Variants in OXR1 observed in about 807,000 individuals in gnomAD.
OXR1 encodes the protein oxidation resistance protein 1.
Under a neutral mutation model 104.6 loss-of-function variants are expected in OXR1, and 41 were observed. That is an observed-to-expected ratio of 0.39 (90% CI 0.31 to 0.51). OXR1 has a LOEUF of 0.51. Among genes scored for constraint, OXR1 ranks in the 20% least tolerant of loss-of-function variants. The pLI is 0.77. For missense variants in OXR1, 955 were observed against 1,031.9 expected (o/e 0.93, Z 1.02); for synonymous variants, 348 against 348.4 (o/e 1.00, Z 0.01).
At chr8:106,615,796 C>G (rs1821170904) in intron 3 of OXR1, among the ~76,000 whole-genome samples, 1 of 152,142 alleles carries the variant, frequency 6.6e-6, no homozygotes, top group Admixed American at 6.5e-5. Flanking sequence ...CATTAATTTT[C>G]TATACATAGC....
At chr8:106,734,897 G>A (rs190279964) in intron 11 of OXR1, among the ~76,000 whole-genome samples, 1 of 152,130 alleles carries the variant, frequency 6.6e-6, no homozygotes, top group Non-Finnish European at 1.5e-5. Context: ...CTTAAGAAAC[G>A]ATTTTTTAGC....
intron 1 of OXR1, among the ~76,000 whole-genome samples, chr8:106,294,559 A>T (rs1443730987): frequency 6.6e-6 from 1 of 152,014 alleles, no homozygotes; most frequent in African/African-American, 2.4e-5. Flanking sequence ...ATGGCAGAAG[A>T]TGAAGGGGGA....
At chr8:106,597,332 T>A (rs541756334) in intron 3 of OXR1, among the ~76,000 whole-genome samples, 1 of 152,272 alleles carries the variant, frequency 6.6e-6, no homozygotes, top group East Asian at 1.9e-4. Flanking sequence ...AGATGATGTC[T>A]GCCTGTGAGA....
intron 2 of OXR1, among the ~76,000 whole-genome samples, chr8:106,456,621 A>G (rs922404858): frequency 6.6e-6 from 1 of 152,164 alleles, no homozygotes; most frequent in African/African-American, 2.4e-5. Flanking sequence ...TCTCCACACC[A>G]TGATTTCACC....
chr8:106,339,092 T>G (rs1403626523), intron 1 of OXR1, among the ~76,000 whole-genome samples: 2 of 152,168 alleles, frequency 1.3e-5, no homozygotes, highest in Non-Finnish European at 2.9e-5. Flanking sequence ...ATGTTTCCCT[T>G]TAAGAACATA....
intron 3 of OXR1, among the ~76,000 whole-genome samples, chr8:106,582,756 G>C (rs1818345291): frequency 6.6e-6 from 1 of 152,068 alleles, no homozygotes; most frequent in Non-Finnish European, 1.5e-5. Context: ...TTGACAAGCA[G>C]GCTTATTTTA....
Position 106,448,172 on chromosome 8 carries a change from TATGGGACCAAACAG to T in OXR1, c.24-70766_24-70753del, listed in dbSNP as rs1395636545. 3 of 1,179,846 alleles carry T rather than the reference TATGGGACCAAACAG, an allele frequency of 2.5e-6. No individual in the cohort carries two copies. The East Asian group carries it at 7.6e-5, about 30-fold the overall frequency. The allele number at this position is 1,179,846 out of a possible 1,614,324, so 73.1% of individuals were successfully genotyped here. A position where few individuals can be genotyped will look rare whatever the true frequency, so the allele number is the denominator to read the frequency against. On this transcript the variant is annotated intron_variant, in intron 2 of 16. Transcript: ENST00000517566. ...AAGTGAGAAATCAAATCTTTGTGTT[TATGGGACCAAACAG>T]ATGGATTTCTGTTGCCATTTGGTTC... is the stretch of plus-strand genomic sequence containing the variant.
chr8:106,671,529 T>G (rs1316758390), intron 3 of OXR1, among the ~76,000 whole-genome samples: 1 of 152,186 alleles, frequency 6.6e-6, no homozygotes, highest in Non-Finnish European at 1.5e-5. Flanking sequence ...ATATGTTTAT[T>G]GCAGCACTAT....
chr8:106,565,129 A>G (rs1189562898), intron 3 of OXR1, among the ~76,000 whole-genome samples: 2 of 152,222 alleles, frequency 1.3e-5, no homozygotes, highest in East Asian at 3.9e-4. Flanking sequence ...AATTCTGGCC[A>G]GGGCAATCAG....
chr8:106,358,060 G>A (rs762556855), intron 1 of OXR1, among the ~76,000 whole-genome samples: 1 of 152,148 alleles, frequency 6.6e-6, no homozygotes. Context: ...ATAAAATGTA[G>A]GCAGAAATGT....
At chr8:106,576,027 C>A (rs1324389596) in intron 3 of OXR1, among the ~76,000 whole-genome samples, 1 of 141,714 alleles carries the variant, frequency 7.1e-6, no homozygotes, top group Non-Finnish European at 1.5e-5. Flanking sequence ...CACACAAAAC[C>A]CTGAAATTAT....
chr8:106,273,466 A>G (rs1277197200), intron 1 of OXR1, among the ~76,000 whole-genome samples: 1 of 152,192 alleles, frequency 6.6e-6, no homozygotes, highest in Non-Finnish European at 1.5e-5. Context: ...TGGTTGTCAC[A>G]ACTTTGGGGG....
intron 16 of OXR1, among the ~76,000 whole-genome samples, chr8:106,748,608 G>A (rs963491103): frequency 3.7e-4 from 40 of 109,364 alleles, no homozygotes; most frequent in Non-Finnish European, 5.7e-4. Context: ...CACTCTTGTC[G>A]CCCAGGCTGG....
chr8:106,644,808 A>G (rs1823940824), intron 3 of OXR1, among the ~76,000 whole-genome samples: 2 of 152,214 alleles, frequency 1.3e-5, no homozygotes, highest in African/African-American at 4.8e-5. Context: ...TGGAAGAACT[A>G]AAGTAGCAGG....
chr8:106,545,072 A>G (rs1815250121), intron 3 of OXR1, among the ~76,000 whole-genome samples: 1 of 152,172 alleles, frequency 6.6e-6, no homozygotes, highest in Non-Finnish European at 1.5e-5. Context: ...GTTTAACAGT[A>G]TCCCTGGCCT....
At chr8:106,476,675 G>A (rs867985180) in intron 2 of OXR1, among the ~76,000 whole-genome samples, 11 of 151,974 alleles carry the variant, frequency 7.2e-5, no homozygotes, top group Non-Finnish European at 1.3e-4. Context: ...TCTTAATGGC[G>A]TCTGGGAACT....
chr8:106,304,245 T>G (rs1224633695), intron 1 of OXR1, among the ~76,000 whole-genome samples: 1 of 152,222 alleles, frequency 6.6e-6, no homozygotes, highest in Admixed American at 6.5e-5. Flanking sequence ...TTCTTTCTTT[T>G]GCTTGAAGAC....
chr8:106,475,040 C>T (rs1350689087), intron 2 of OXR1, among the ~76,000 whole-genome samples: 2 of 151,844 alleles, frequency 1.3e-5, no homozygotes, highest in Non-Finnish European at 2.9e-5. Flanking sequence ...GTACTAGTAC[C>T]TACCTCATAG....
At chr8:106,720,801 A>G in intron 11 of OXR1, 1 of 496,862 alleles carries the variant, frequency 2.0e-6, no homozygotes. Flanking sequence ...AATACCCTTT[A>G]AAATTTAATA....
Sources: allele counts gnomAD v4.1 joint callset (sites outside exome capture counted in the v4.1 genomes callset), GRCh38; gene constraint gnomAD v4.1.1; transcripts MANE v1.5; gene names NCBI Gene and HGNC (gene_info 2026-07-23, HGNC 2026-07-21).